The following PHKA2 variants were observed in gnomAD, a reference collection of about 807,000 sequenced individuals.
PHKA2 encodes phosphorylase kinase regulatory subunit alpha 2, also known as phosphorylase b kinase regulatory subunit alpha, liver isoform.
Under a neutral mutation model 102.0 loss-of-function variants are expected in PHKA2, and 31 were observed. That is an observed-to-expected ratio of 0.30 (90% CI 0.23 to 0.41). The LOEUF is 0.41. Among genes scored for constraint, PHKA2 ranks in the 10% least tolerant of loss-of-function variants. The probability of loss-of-function intolerance (pLI) is 1.00; values close to 1 mark genes in which losing one functional copy is unlikely to be tolerated. For missense variants in PHKA2, 858 were observed against 1,023.1 expected (o/e 0.84, Z 2.20); for synonymous variants, 455 against 416.2 (o/e 1.09, Z -1.13).
intron 1 of PHKA2, among the ~76,000 whole-genome samples, chrX:18,963,978 C>G (rs1157863568): frequency 2.7e-5 from 3 of 110,763 alleles, no homozygotes; most frequent in Non-Finnish European, 5.7e-5. Context: ...CACAGAAAGA[C>G]CACCCTTTCT....
intron 31 of PHKA2, 95 bp from the exon 32 acceptor site, chrX:18,894,499 T>A (rs2047496909): frequency 2.6e-6 from 2 of 768,237 alleles, no homozygotes; most frequent in Non-Finnish European, 3.9e-6. Context: ...TAGCAGTGCC[T>A]GGGCTCGGGG....
rs747942008 is a variant in PHKA2, at chrX:18,952,427, G to A, written c.285+67C>T. 10 of 920,191 alleles carry A rather than the reference G, an allele frequency of 1.1e-5. No homozygotes were observed. In the East Asian group the frequency reaches 3.1e-4, roughly 29 times the overall value. 75.8% of individuals were successfully genotyped at this position (920,191 alleles called of 1,213,427 possible). A position where few individuals can be genotyped will look rare whatever the true frequency, so the allele number is the denominator to read the frequency against. On this transcript the variant is annotated intron_variant, in intron 3 of 32. Coordinates refer to ENST00000379942, the MANE Select transcript of PHKA2 (RefSeq NM_000292.3). The stretch of plus-strand genomic sequence containing the variant: ...GAAAAGTACAAAACGTCTTAAGCAT[G>A]TTAACTGTCACAATTACAATGACAT...
intron 1 of PHKA2, among the ~76,000 whole-genome samples, chrX:18,983,164 G>A (rs747078590): frequency 8.9e-6 from 1 of 112,225 alleles, no homozygotes; most frequent in African/African-American, 3.2e-5. Flanking sequence ...CATAGCTGCT[G>A]TCTTCACTAG....
In PHKA2 at chrX:18,905,789, T is replaced by C; in HGVS notation, c.2877A>G (p.Leu959=). The change falls in exon 26 of 33, where the codon CTA becomes CTG. Residue 959 remains leucine (L), a synonymous_variant. Transcript: ENST00000379942. Reference sequence around the variant, plus strand: ...TTTCAACGCCAAACTCTTTCCCACTTAGAATATGGTGCAGGAGATTTTTCA... The same window carrying C: ...TTTCAACGCCAAACTCTTTCCCACTCAGAATATGGTGCAGGAGATTTTTCA... ...FDMKNLLHHI[L]SGKEFGVERS... The C allele has an allele frequency of 1.2e-5, 15 of 1,206,941 alleles. No homozygotes were observed. Among genetic ancestry groups the C allele is most frequent in the Non-Finnish European group, 1.7e-5 (15 of 890,916 alleles).
At chrX:18,940,893 T>TC (rs2048479688) in intron 8 of PHKA2, among the ~76,000 whole-genome samples, 1 of 111,902 alleles carries the variant, frequency 8.9e-6, no homozygotes, top group South Asian at 3.7e-4. Context: ...GTTCCCTTTT[T>TC]CCCACTGAAC....
At chrX:18,935,569 G>A (rs1419192924) in intron 11 of PHKA2, among the ~76,000 whole-genome samples, 1 of 110,341 alleles carries the variant, frequency 9.1e-6, no homozygotes, top group African/African-American at 3.3e-5. Context: ...TTTTTCCAAA[G>A]TCATGATTCC....
intron 1 of PHKA2, among the ~76,000 whole-genome samples, chrX:18,961,635 G>A (rs761102993): frequency 2.3e-4 from 23 of 98,419 alleles, no homozygotes; most frequent in African/African-American, 7.7e-4. Flanking sequence ...ACTCCAGCCC[G>A]GGTAACAGCG....
chrX:18,901,881 C>T (rs964006518), intron 26 of PHKA2, among the ~76,000 whole-genome samples: 6 of 109,911 alleles, frequency 5.5e-5, no homozygotes, highest in Non-Finnish European at 9.5e-5. Flanking sequence ...CTCACTCTGT[C>T]GCCCAGGCTG....
At chrX:18,915,683 A>G (rs759157301) in intron 19 of PHKA2, 1 of 110,389 alleles carries the variant, frequency 9.1e-6, no homozygotes, top group East Asian at 2.9e-4. Context: ...TGGCCAAGAA[A>G]TTATATTGTA....
In PHKA2 at chrX:18,976,923, C is replaced by T. The variant is rs570085037; in HGVS notation, c.78+6932G>A. ...TATAGTACATTAATTGCTGCTTGTA[C>T]CCTTATTTCCTTTCTTCTATTTTCT... is the stretch of plus-strand genomic sequence containing the variant. On this transcript the variant is annotated intron_variant, in intron 1 of 32. Transcript: ENST00000379942. 3.7e-4 allele frequency among the ~76,000 whole-genome samples: 42 copies of T among 112,042 alleles called. 1 individual carries two copies. In the South Asian group the frequency reaches 0.015, roughly 39 times the overall value.
chrX:18,898,943 G>C (rs1399837092), intron 29 of PHKA2, among the ~76,000 whole-genome samples: 5 of 112,471 alleles, frequency 4.4e-5, no homozygotes, highest in African/African-American at 1.6e-4. Flanking sequence ...ACTGTGCCAA[G>C]GAGCACAGGC....
intron 20 of PHKA2, among the ~76,000 whole-genome samples, chrX:18,909,147 T>G (rs2047878154): frequency 8.9e-6 from 1 of 112,288 alleles, no homozygotes; most frequent in Non-Finnish European, 1.9e-5. Context: ...CTGGACTGAA[T>G]AGGTTAAAAT....
chrX:18,924,688 C>A (rs1157435896), intron 15 of PHKA2, among the ~76,000 whole-genome samples, 163 bp from the exon 16 acceptor site: 2 of 112,129 alleles, frequency 1.8e-5, no homozygotes, highest in African/African-American at 6.5e-5. Context: ...CAAGATCAGA[C>A]AAATCAGTCT....
At chrX:18,907,831 T>C (rs1453332099) in intron 22 of PHKA2, 69 bp downstream of exon 22, 19 of 1,082,715 alleles carry the variant, frequency 1.8e-5, no homozygotes, top group African/African-American at 3.7e-5. Context: ...AACTGGGAGA[T>C]TGGAAGTGGA....
At chrX:18,938,437 A>C (rs773674138) in intron 10 of PHKA2, among the ~76,000 whole-genome samples, 190 bp downstream of exon 10, 28 of 113,511 alleles carry the variant, frequency 2.5e-4, no homozygotes, top group Non-Finnish European at 4.9e-4. Context: ...CTCTGCCCAA[A>C]TTGCAGAATC....
At chrX:18,966,090 TTG>T (rs1440167926) in intron 1 of PHKA2, among the ~76,000 whole-genome samples, 31 of 103,756 alleles carry the variant, frequency 3.0e-4, no homozygotes, top group African/African-American at 1.0e-3. Flanking sequence ...TGTTTTTTTT[TTG>T]TTTTTTTTTT....
chrX:18,963,436 G>A (rs1485953285), intron 1 of PHKA2, among the ~76,000 whole-genome samples: 1 of 112,244 alleles, frequency 8.9e-6, no homozygotes, highest in Non-Finnish European at 1.9e-5. Flanking sequence ...AACCCTACCA[G>A]AGAATAAAGC....
At chrX:18,977,607 A>G (rs1441907389) in intron 1 of PHKA2, among the ~76,000 whole-genome samples, 2 of 111,606 alleles carry the variant, frequency 1.8e-5, no homozygotes, top group Non-Finnish European at 3.8e-5. Flanking sequence ...TAAAATTGCT[A>G]TATTTTTCTT....
intron 6 of PHKA2, 51 bp downstream of exon 6, chrX:18,945,027 A>C (rs2048555419): frequency 2.5e-6 from 2 of 802,520 alleles, no homozygotes; most frequent in South Asian, 2.0e-5. Flanking sequence ...AGGGAACCAA[A>C]TCAAAGCAGT....
Sources: allele counts gnomAD v4.1 joint callset (sites outside exome capture counted in the v4.1 genomes callset), GRCh38; gene constraint gnomAD v4.1.1; transcripts MANE v1.5; gene names NCBI Gene and HGNC (gene_info 2026-07-23, HGNC 2026-07-21).